Variants in NPAS3 observed in about 807,000 individuals in gnomAD.
NPAS3 encodes neuronal PAS domain-containing protein 3.
NPAS3 carries 14 observed loss-of-function variants against 73.1 expected under a neutral mutation model. The ratio of observed to expected loss-of-function variants is 0.19; its 90% CI spans 0.13 to 0.30. The LOEUF is 0.30. Among genes scored for constraint, NPAS3 ranks in the 10% least tolerant of loss-of-function variants. The pLI is 1.00. For synonymous variants in NPAS3, 620 were observed against 541.5 expected (o/e 1.14, Z -2.01); for missense variants, 1,096 against 1,250.0 (o/e 0.88, Z 1.86).
chr14:33,215,753 G>T (rs916154405), intron 3 of NPAS3, among the ~76,000 whole-genome samples: 1 of 152,108 alleles, frequency 6.6e-6, no homozygotes, highest in African/African-American at 2.4e-5. Flanking sequence ...TTCTTCATGA[G>T]TGGGGTATGG....
intron 3 of NPAS3, among the ~76,000 whole-genome samples, chr14:33,267,293 T>C (rs2139993039): frequency 6.6e-6 from 1 of 152,334 alleles, no homozygotes; most frequent in South Asian, 2.1e-4. Flanking sequence ...TGAATTTTAC[T>C]ACATAAATGT....
chr14:33,631,265 G>C (rs117233921), intron 5 of NPAS3, among the ~76,000 whole-genome samples: 3 of 152,242 alleles, frequency 2.0e-5, no homozygotes, highest in East Asian at 3.9e-4. Context: ...CCACATTTAC[G>C]TAATGTGTAG....
chr14:33,352,362 G>C (rs1295138473), intron 3 of NPAS3, among the ~76,000 whole-genome samples: 1 of 152,160 alleles, frequency 6.6e-6, no homozygotes, highest in Non-Finnish European at 1.5e-5. Context: ...CATCTTGTCA[G>C]CACTCATTTT....
At chr14:33,618,280 A>C (rs28449896) in intron 5 of NPAS3, among the ~76,000 whole-genome samples, 9,304 of 151,988 alleles carry the variant, frequency 0.061, 667 homozygotes, top group African/African-American at 0.17. Flanking sequence ...TTATTATTAT[A>C]TTGTAAAATA....
At chr14:33,097,672 A>G (rs1047882876) in intron 2 of NPAS3, among the ~76,000 whole-genome samples, 2 of 152,138 alleles carry the variant, frequency 1.3e-5, no homozygotes, top group African/African-American at 4.8e-5. Flanking sequence ...CTTTGCCAAG[A>G]TCTGTTTTCT....
intron 7 of NPAS3, among the ~76,000 whole-genome samples, chr14:33,763,379 G>T (rs938395884): frequency 4.6e-5 from 7 of 152,204 alleles, no homozygotes; most frequent in Admixed American, 2.0e-4. Context: ...AATGTCCTGT[G>T]CTAATTAATA....
chr14:33,122,025 A>C (rs1481879071), intron 2 of NPAS3, among the ~76,000 whole-genome samples: 1 of 152,160 alleles, frequency 6.6e-6, no homozygotes, highest in Non-Finnish European at 1.5e-5. Context: ...TACTGTGTTA[A>C]TGTATCACTG....
At chr14:33,059,385 A>G (rs1476768776) in intron 2 of NPAS3, among the ~76,000 whole-genome samples, 1 of 152,246 alleles carries the variant, frequency 6.6e-6, no homozygotes, top group Non-Finnish European at 1.5e-5. Flanking sequence ...AATAATAGTA[A>G]TAGTTACTCT....
At chr14:33,363,182 G>T (rs775888238) in intron 3 of NPAS3, among the ~76,000 whole-genome samples, 1 of 152,154 alleles carries the variant, frequency 6.6e-6, no homozygotes, top group Non-Finnish European at 1.5e-5. Flanking sequence ...CCCTCCTCAC[G>T]TGAGTGCCTC....
intron 10 of NPAS3, 128 bp downstream of exon 10, chr14:33,794,172 G>A: frequency 1.3e-6 from 1 of 762,718 alleles, no homozygotes. Context: ...GAATTTCATG[G>A]CAATTCTGCT....
rs75955843 is a variant in NPAS3, at chr14:33,311,999, A to G, written c.386-55187A>G. ...TATCACAAGGAAGGTTATGTTCCAA[A>G]GACTTCATTTTTGAAAGATCTGGAA... On this transcript the variant is annotated intron_variant, in intron 3 of 11. Coordinates refer to ENST00000356141, the Ensembl canonical transcript of NPAS3. 2.8e-3 allele frequency among the ~76,000 whole-genome samples: 429 copies of G among 152,262 alleles called. 1 individual carries two copies. The highest frequency in any genetic ancestry group is 4.4e-3 in the Non-Finnish European group (302 of 68,002).
intron 5 of NPAS3, among the ~76,000 whole-genome samples, chr14:33,648,082 T>C (rs1335747505): frequency 6.6e-6 from 1 of 152,158 alleles, no homozygotes; most frequent in East Asian, 1.9e-4. Context: ...GCCCCCAGGT[T>C]ACAAGAAAGG....
intron 7 of NPAS3, among the ~76,000 whole-genome samples, chr14:33,736,372 A>T (rs1027432888): frequency 6.6e-6 from 1 of 152,180 alleles, no homozygotes; most frequent in Non-Finnish European, 1.5e-5. Flanking sequence ...CTTCCAAGAA[A>T]GACCTTTAGC....
At chr14:33,500,676 AAAAAC>A (rs1479591929) in intron 4 of NPAS3, among the ~76,000 whole-genome samples, 7 of 151,964 alleles carry the variant, frequency 4.6e-5, no homozygotes, top group East Asian at 1.9e-4. Flanking sequence ...ATCAGCTTTA[AAAAAC>A]AAAACAAAAC....
intron 1 of NPAS3, among the ~76,000 whole-genome samples, chr14:32,993,789 G>GA (rs760710861): frequency 1.1e-3 from 166 of 151,554 alleles, no homozygotes; most frequent in Non-Finnish European, 2.1e-3. Context: ...TAAGAAAATG[G>GA]AAAAAAAATA....
At chr14:33,116,187 G>C (rs959448538) in intron 2 of NPAS3, among the ~76,000 whole-genome samples, 1 of 152,060 alleles carries the variant, frequency 6.6e-6, no homozygotes, top group Non-Finnish European at 1.5e-5. Flanking sequence ...GTCACAAAGG[G>C]ATTATATCTC....
At chr14:33,527,454 C>T (rs2053852682) in intron 4 of NPAS3, among the ~76,000 whole-genome samples, 1 of 152,154 alleles carries the variant, frequency 6.6e-6, no homozygotes, top group Non-Finnish European at 1.5e-5. Context: ...ATCTCTGTTT[C>T]TCAGAGATGT....
chr14:33,665,425 C>T (rs2059424731), intron 5 of NPAS3, among the ~76,000 whole-genome samples: 2 of 152,030 alleles, frequency 1.3e-5, no homozygotes, highest in Admixed American at 1.3e-4. Context: ...GCACATGTAT[C>T]CCAGAACTTA....
intron 3 of NPAS3, among the ~76,000 whole-genome samples, chr14:33,338,500 CT>C (rs1250981341): frequency 2.0e-5 from 3 of 152,068 alleles, no homozygotes; most frequent in African/African-American, 7.2e-5. Context: ...TTTTCCTTTT[CT>C]TTTCTTTTTC....
Sources: allele counts gnomAD v4.1 joint callset (sites outside exome capture counted in the v4.1 genomes callset), GRCh38; gene constraint gnomAD v4.1.1; transcripts MANE v1.5; gene names NCBI Gene and HGNC (gene_info 2026-07-23, HGNC 2026-07-21).